NBEA: variants seen among roughly 807,000 people sequenced by gnomAD.
NBEA encodes neurobeachin, also known as lysosomal-trafficking regulator 2.
NBEA carries 44 observed loss-of-function variants against 343.4 expected under a neutral mutation model. The observed-to-expected ratio is 0.13, with a 90% CI of 0.10 to 0.16. NBEA has a LOEUF of 0.16. Among genes scored for constraint, NBEA ranks in the 10% least tolerant of loss-of-function variants. The probability of loss-of-function intolerance (pLI) is 1.00; values close to 1 mark genes in which losing one functional copy is unlikely to be tolerated. For missense variants in NBEA, 2,555 were observed against 3,631.3 expected (o/e 0.70, Z 7.62); for synonymous variants, 1,175 against 1,238.7 (o/e 0.95, Z 1.08).
rs779764549 is a variant in NBEA at position 35,159,172 on chromosome 13, C to A, written c.3001C>A (p.Arg1001=). The change falls in exon 22 of 59, where the codon CGA becomes AGA. Residue 1001 remains arginine (R), a synonymous_variant. Coordinates refer to ENST00000379939, the MANE Select transcript of NBEA (RefSeq NM_001385012.1). Reference sequence around the variant, plus strand: ...AGGAGCAAAAGGTGGAATGGAAATTCGAGAGATAGAAGATCTTTCACAAAG... The same window carrying A: ...AGGAGCAAAAGGTGGAATGGAAATTAGAGAGATAGAAGATCTTTCACAAAG... The part of the protein sequence containing the change: ...TTGAKGGMEI[R]EIEDLSQSQS... The A allele has an allele frequency of 1.9e-6, 3 of 1,613,398 alleles. No homozygotes were observed. Among genetic ancestry groups the A allele is most frequent in the Non-Finnish European group, 2.5e-6 (3 of 1,179,540 alleles).
intron 41 of NBEA, among the ~76,000 whole-genome samples, chr13:35,490,604 CT>C (rs2076466928): frequency 6.6e-6 from 1 of 151,930 alleles, no homozygotes. Flanking sequence ...GTCTTAGGAA[CT>C]TGATGAAAAG....
chr13:35,670,374 G>A (rs1458325554), intron 58 of NBEA, among the ~76,000 whole-genome samples: 1 of 152,172 alleles, frequency 6.6e-6, no homozygotes, highest in Non-Finnish European at 1.5e-5. Flanking sequence ...TGAGGGTTTT[G>A]TGACACAGCC....
intron 44 of NBEA, among the ~76,000 whole-genome samples, chr13:35,559,917 C>G (rs1246438851): frequency 1.6e-5 from 2 of 123,608 alleles, no homozygotes; most frequent in Non-Finnish European, 3.3e-5. Flanking sequence ...GGCGACAGAG[C>G]GAGACTCCGT....
At chr13:35,650,469 T>C (rs2084462590) in intron 52 of NBEA, among the ~76,000 whole-genome samples, 1 of 152,170 alleles carries the variant, frequency 6.6e-6, no homozygotes, top group Non-Finnish European at 1.5e-5. Context: ...CATAACGTTG[T>C]GGCAAACATT....
intron 41 of NBEA, among the ~76,000 whole-genome samples, chr13:35,541,214 CTTTACATACATG>C (rs2078807302): frequency 6.6e-6 from 1 of 151,510 alleles, no homozygotes; most frequent in African/African-American, 2.4e-5. Context: ...GTTTATGTAT[CTTTACATACATG>C]TTTACATATG....
intron 16 of NBEA, among the ~76,000 whole-genome samples, chr13:35,120,312 A>G (rs1451888865): frequency 8.5e-5 from 13 of 152,206 alleles, no homozygotes; most frequent in Admixed American, 8.5e-4. Context: ...CCTTGTGCTC[A>G]TGGCTGACCA....
chr13:35,092,591 A>G (rs188063291), intron 10 of NBEA, among the ~76,000 whole-genome samples: 7 of 152,150 alleles, frequency 4.6e-5, no homozygotes, highest in Admixed American at 2.0e-4. Flanking sequence ...TAAGGATGTC[A>G]AAATAGTTCA....
intron 26 of NBEA, among the ~76,000 whole-genome samples, chr13:35,172,964 A>G (rs899947314): frequency 1.3e-5 from 2 of 152,096 alleles, no homozygotes; most frequent in Non-Finnish European, 2.9e-5. Context: ...CTTTCCCACC[A>G]TGAAGGAAGG....
rs191498034 is a variant in NBEA, at chr13:34,989,344, G to T, written c.294+46230G>T. ...GACTGGGTAATTTATGAAGAAAAGA[G>T]ATTTAATCGATTCACATTTTCACAG... is the stretch of plus-strand genomic sequence containing the variant. On this transcript the variant is annotated intron_variant, in intron 1 of 58. Coordinates refer to ENST00000379939, the MANE Select transcript of NBEA (RefSeq NM_001385012.1). Among the ~76,000 whole-genome samples the T allele has an allele frequency of 1.4e-4, 21 of 151,092 alleles. 2 individuals carry two copies. The highest frequency in any genetic ancestry group is 2.6e-4 in the Admixed American group (4 of 15,158).
chr13:35,038,176 G>A (rs1004179923), intron 1 of NBEA, among the ~76,000 whole-genome samples: 14 of 152,142 alleles, frequency 9.2e-5, no homozygotes, highest in Non-Finnish European at 1.6e-4. Flanking sequence ...AGTACTGCCA[G>A]AGTACCACCG....
At chr13:35,056,598 G>C (rs1447385298) in intron 7 of NBEA, among the ~76,000 whole-genome samples, 3 of 152,142 alleles carry the variant, frequency 2.0e-5, no homozygotes, top group African/African-American at 4.8e-5. Flanking sequence ...AGTTGAGCAA[G>C]CAAGATATGT....
At chr13:35,353,274 A>G (rs939196218) in intron 38 of NBEA, among the ~76,000 whole-genome samples, 1 of 152,138 alleles carries the variant, frequency 6.6e-6, no homozygotes, top group Non-Finnish European at 1.5e-5. Context: ...CATCTCTACT[A>G]AAACACAAAA....
intron 42 of NBEA, 135 bp from the exon 43 acceptor site, chr13:35,550,795 C>T: frequency 3.0e-6 from 2 of 659,272 alleles, no homozygotes; most frequent in Non-Finnish European, 5.2e-6. Context: ...TAAAGTTATA[C>T]TGAAAGCTGA....
chr13:35,110,245 T>G (rs2066134397), intron 12 of NBEA, among the ~76,000 whole-genome samples: 1 of 123,350 alleles, frequency 8.1e-6, no homozygotes, highest in Non-Finnish European at 1.6e-5. Flanking sequence ...AAAAAACACA[T>G]GAAGAAATGC....
At chr13:35,487,892 G>C (rs2076359942) in intron 41 of NBEA, among the ~76,000 whole-genome samples, 1 of 151,714 alleles carries the variant, frequency 6.6e-6, no homozygotes. Context: ...CTTCAAGTAC[G>C]GTGCCTAGAA....
intron 36 of NBEA, among the ~76,000 whole-genome samples, chr13:35,324,435 A>T (rs189398512): frequency 1.1e-4 from 16 of 152,380 alleles, no homozygotes; most frequent in African/African-American, 3.1e-4. Flanking sequence ...CATGTCTCTT[A>T]TAAAGATCCA....
chr13:35,648,180 C>CT (rs949635885), intron 51 of NBEA, among the ~76,000 whole-genome samples: 3,739 of 104,160 alleles, frequency 0.036, 246 homozygotes, highest in Non-Finnish European at 0.041. Context: ...TGTTTAAACT[C>CT]TTTTTTTTTT....
intron 36 of NBEA, among the ~76,000 whole-genome samples, chr13:35,333,787 C>T (rs480359): frequency 0.15 from 22,508 of 152,044 alleles, 1,817 homozygotes; most frequent in East Asian, 0.23. Context: ...TGAGTGAGAA[C>T]ATGCTGTTTG....
At chr13:35,591,012 A>G (rs779607790) in intron 46 of NBEA, among the ~76,000 whole-genome samples, 56 of 152,206 alleles carry the variant, frequency 3.7e-4, no homozygotes, top group Admixed American at 1.0e-3. Flanking sequence ...TGGGAAGTCC[A>G]ACAGTGAATA....
Sources: gnomAD v4.1 joint callset for allele counts (sites outside exome capture counted in the v4.1 genomes callset) on GRCh38, gnomAD v4.1.1 for gene constraint, MANE v1.5 for transcripts, NCBI Gene and HGNC (gene_info 2026-07-23, HGNC 2026-07-21) for gene names.